CMYA5: variants seen among roughly 807,000 people sequenced by gnomAD.
CMYA5 encodes cardiomyopathy-associated protein 5.
In CMYA5, 246 loss-of-function variants were observed where a neutral mutation model predicts 318.9. The ratio of observed to expected loss-of-function variants is 0.77; its 90% CI spans 0.70 to 0.86. The LOEUF (loss-of-function observed/expected upper bound fraction) is 0.86. CMYA5 is among the 40% of genes least tolerant of loss of function. The probability of loss-of-function intolerance (pLI) is 0.00; values close to 1 mark genes in which losing one functional copy is unlikely to be tolerated. For synonymous variants in CMYA5, 1,641 were observed against 1,729.5 expected (o/e 0.95, Z 1.27); for missense variants, 4,589 against 4,678.2 (o/e 0.98, Z 0.56).
chr5:79,729,494 A>G lies in CMYA5; in HGVS notation c.729A>G (p.Gln243=), dbSNP rs1366270. ...NSVKEELIPL[Q]FYGTLPKGYV... ...TTAAAGAAGAATTAATTCCTCTACA[A>G]TTTTATGGAACATTGCCAAAGGGTT... Residue 243 remains glutamine (Q), a synonymous_variant, in exon 2 of 13, where the codon CAA becomes CAG. Transcript: ENST00000446378. 0.12 allele frequency: 192,033 copies of G among 1,610,200 alleles called. 21,958 individuals are homozygous for G. The highest frequency in any genetic ancestry group is 0.53 in the African/African-American group (39,843 of 74,736).
intron 1 of CMYA5, among the ~76,000 whole-genome samples, chr5:79,720,428 A>AT (rs1159659122): frequency 0.061 from 2,717 of 44,652 alleles, 49 homozygotes; most frequent in East Asian, 0.15. Flanking sequence ...TGCCAATCTA[A>AT]TTTTTTTTTT....
In CMYA5 at chr5:79,799,658, T is replaced by TG. The variant is rs770351714; in HGVS notation, c.*49dup. 327 of 1,573,946 alleles carry TG rather than the reference T, an allele frequency of 2.1e-4. 2 individuals carry two copies. Among genetic ancestry groups the TG allele is most frequent in the South Asian group, 9.8e-4 (85 of 86,512 alleles). On this transcript the variant is annotated 3_prime_UTR_variant, in exon 13 of 13. Coordinates refer to ENST00000446378, the MANE Select transcript of CMYA5 (RefSeq NM_153610.5). Reference sequence around the variant, plus strand: ...TTTGCAAGAACAGCGATTTGAATTTTGGGGGGGTCTGCTGTTCATTCCTTT... The same window carrying TG: ...TTTGCAAGAACAGCGATTTGAATTTTGGGGGGGGTCTGCTGTTCATTCCTTT...
chr5:79,692,598 T>C (rs1164161821), intron 1 of CMYA5, among the ~76,000 whole-genome samples: 2 of 152,198 alleles, frequency 1.3e-5, no homozygotes, highest in Non-Finnish European at 2.9e-5. Context: ...AATGGGAAAA[T>C]CCTGTCCTCT....
Position 79,745,243 on chromosome 5 carries a change from A to G in CMYA5, c.10756A>G (p.Lys3586Glu), listed in dbSNP as rs1486746017. 1.3e-6 allele frequency: 2 copies of G among 1,587,076 alleles called. No homozygotes were observed. Among genetic ancestry groups the G allele is most frequent in the Admixed American group, 1.8e-5 (1 of 55,448 alleles). The change falls in exon 4 of 13, where the codon AAA becomes GAA. Residue 3586 changes from lysine to glutamate, a missense_variant. Physicochemically the swap from Lys to Glu is moderately conservative, Grantham distance 56. This residue lies in a region of CMYA5 where 2,431 missense variants were observed against 2,495.1 expected (regional missense o/e 0.97). Transcript: ENST00000446378. ...TCAGGAAAACTGTAGTAAAAATGAGAAAAGGCTAGAAGAACAGAATGAGGA... is the reference window on the plus strand; with the variant it reads ...TCAGGAAAACTGTAGTAAAAATGAGGAAAGGCTAGAAGAACAGAATGAGGA... ...TIEENCSKNE[K>E]RLEEQNEEMM...
Position 79,747,126 on chromosome 5 carries a change from T to C in CMYA5, c.10991+13T>C, listed in dbSNP as rs1828345632. The C allele has an allele frequency of 6.5e-7, 1 of 1,544,862 alleles. No individual in the cohort carries two copies. Among genetic ancestry groups the C allele is most frequent in the Non-Finnish European group, 8.7e-7 (1 of 1,143,852 alleles). Reference sequence around the variant, plus strand: ...AAATCAATGAAAGGTATATAAAACATGATACAATGTAGTGGCAAACAGCAT... The same window carrying C: ...AAATCAATGAAAGGTATATAAAACACGATACAATGTAGTGGCAAACAGCAT... On this transcript the variant is annotated intron_variant, in intron 5 of 12. Transcript: ENST00000446378.
intron 1 of CMYA5, among the ~76,000 whole-genome samples, chr5:79,703,463 G>A (rs776621642): frequency 7.2e-5 from 11 of 152,150 alleles, no homozygotes; most frequent in Non-Finnish European, 1.2e-4. Context: ...TCTGCTTTGA[G>A]GTTTCAAAAC....
At chr5:79,742,376 A>G (rs1215165458) in intron 2 of CMYA5, among the ~76,000 whole-genome samples, 1 of 151,998 alleles carries the variant, frequency 6.6e-6, no homozygotes, top group African/African-American at 2.4e-5. Flanking sequence ...TAGTGGAGAC[A>G]AGATGTCAGT....
intron 1 of CMYA5, among the ~76,000 whole-genome samples, chr5:79,701,205 G>A (rs1375610499): frequency 4.0e-5 from 6 of 151,874 alleles, no homozygotes; most frequent in Non-Finnish European, 5.9e-5. Flanking sequence ...GTGGGATTGC[G>A]CCACTGCACT....
intron 9 of CMYA5, among the ~76,000 whole-genome samples, chr5:79,765,964 A>C (rs1032814426): frequency 7.2e-5 from 11 of 152,140 alleles, no homozygotes; most frequent in African/African-American, 2.7e-4. Flanking sequence ...CTCTCTTCCT[A>C]TTTGAATACC....
intron 1 of CMYA5, among the ~76,000 whole-genome samples, chr5:79,724,032 A>T (rs1475328879): frequency 1.3e-5 from 2 of 152,038 alleles, no homozygotes; most frequent in African/African-American, 4.8e-5. Context: ...AAAATTTTTT[A>T]ATCGGCCGGG....
At chr5:79,744,967 A>G (rs112060480) in intron 3 of CMYA5, among the ~76,000 whole-genome samples, 247 of 152,296 alleles carry the variant, frequency 1.6e-3, no homozygotes, top group African/African-American at 5.6e-3. Context: ...TCCATATGAA[A>G]ATATATATAT....
chr5:79,693,336 A>ATTTTTTTTTTTT (rs11319092), intron 1 of CMYA5, among the ~76,000 whole-genome samples: 8 of 135,632 alleles, frequency 5.9e-5, no homozygotes, highest in Non-Finnish European at 9.4e-5. Context: ...AAGTCACACA[A>ATTTTTTTTTTTT]TTTTTTTTTT....
In CMYA5 at chr5:79,731,672, A is replaced by T. The variant is rs759286226; in HGVS notation, c.2907A>T (p.Glu969Asp). 3.7e-6 allele frequency: 6 copies of T among 1,613,954 alleles called. No homozygotes were observed. The South Asian group carries it at 6.6e-5, about 18-fold the overall frequency. ...CAACCCAGGAAGCAGAGAAAAGAGA[A>T]TTTGAGTGCGATTCTCCAATATGTT... Reference protein sequence around the residue: ...PYATQEAEKREFECDSPICLT... With the variant: ...PYATQEAEKRDFECDSPICLT... The change falls in exon 2 of 13, where the codon GAA (glutamate) becomes GAT (aspartate). Residue 969 changes from glutamate (E) to aspartate (D), a missense_variant. Physicochemically the swap from Glu to Asp is conservative, Grantham distance 45. This residue lies in a region of CMYA5 where 2,132 missense variants were observed against 2,131.3 expected (regional missense o/e 1.00). Transcript: ENST00000446378.
chr5:79,756,213 T>A (rs1366330219), intron 6 of CMYA5, among the ~76,000 whole-genome samples: 1 of 152,222 alleles, frequency 6.6e-6, no homozygotes, highest in Non-Finnish European at 1.5e-5. Flanking sequence ...TCAGGGTCTC[T>A]GACCCGTGAT....
chr5:79,760,379 T>C (rs1159493709), intron 7 of CMYA5, among the ~76,000 whole-genome samples: 1 of 152,180 alleles, frequency 6.6e-6, no homozygotes, highest in African/African-American at 2.4e-5. Context: ...AGTGCCAGGG[T>C]AATAGGATGT....
chr5:79,738,036 ATC>A lies in CMYA5; in HGVS notation c.9275_9276del (p.Ser3092PhefsTer13), dbSNP rs776138851. On this transcript the variant is annotated frameshift_variant, in exon 2 of 13. Coordinates refer to ENST00000446378, the MANE Select transcript of CMYA5 (RefSeq NM_153610.5). LOFTEE classifies it high-confidence loss of function. ...KLSKEVTEET[I>X]SFPVSSVESA... ...CTCAAAGGAAGTTACAGAAGAAACT[ATC>A]TCTTTCCCAGTAAGTTCAGTGGAAA... is the stretch of plus-strand genomic sequence containing the variant. 1.2e-6 allele frequency: 2 copies of A among 1,613,326 alleles called. No individual in the cohort carries two copies. The highest frequency in any genetic ancestry group is 1.7e-6 in the Non-Finnish European group (2 of 1,179,698).
chr5:79,736,471 G>A lies in CMYA5; in HGVS notation c.7706G>A (p.Ser2569Asn). The A allele has an allele frequency of 6.2e-7, 1 of 1,610,714 alleles. No homozygotes were observed. ...PYSVNVAESM[S>N]RESDISLGHS... ...TCTGTGAATGTAGCCGAGTCTATGA[G>A]TAGAGAATCAGATATCTCTTTAGGT... Residue 2569 changes from serine (S) to asparagine (N), a missense_variant, in exon 2 of 13, where the codon AGT becomes AAT. Around this residue, in one of 3 missense-constraint regions of CMYA5, gnomAD observed 2,431 missense variants for 2,495.1 expected, o/e 0.97. Coordinates refer to ENST00000446378, the MANE Select transcript of CMYA5 (RefSeq NM_153610.5).
intron 11 of CMYA5, among the ~76,000 whole-genome samples, chr5:79,791,525 A>C (rs1829179708): frequency 6.6e-6 from 1 of 152,114 alleles, no homozygotes; most frequent in South Asian, 2.1e-4. Context: ...GTTTGAGACC[A>C]GCCTGGCCAA....
At chr5:79,778,445 C>A (rs1008207354) in intron 9 of CMYA5, among the ~76,000 whole-genome samples, 1 of 152,082 alleles carries the variant, frequency 6.6e-6, no homozygotes. Context: ...AACTTTTGAT[C>A]TTTTGACAAT....
Sources: gnomAD v4.1 joint callset for allele counts (sites outside exome capture counted in the v4.1 genomes callset) on GRCh38, gnomAD v4.1.1 for gene constraint, gnomAD v4.1.1 regional missense constraint, MANE v1.5 for transcripts, NCBI Gene and HGNC (gene_info 2026-07-23, HGNC 2026-07-21) for gene names.